ATRN: variants seen among roughly 807,000 people sequenced by gnomAD.
ATRN encodes attractin-2.
In ATRN, 54 loss-of-function variants were observed where a neutral mutation model predicts 178.7. The ratio of observed to expected loss-of-function variants is 0.30; its 90% CI spans 0.24 to 0.38. The LOEUF (loss-of-function observed/expected upper bound fraction) is 0.38. Among genes scored for constraint, ATRN ranks in the 10% least tolerant of loss-of-function variants. The pLI, the probability that ATRN is intolerant of heterozygous loss-of-function variation, is 1.00. For missense variants in ATRN, 1,443 were observed against 1,815.1 expected (o/e 0.79, Z 3.73); for synonymous variants, 636 against 663.0 (o/e 0.96, Z 0.63).
intron 23 of ATRN, among the ~76,000 whole-genome samples, chr20:3,601,734 C>G (rs2086611752): frequency 6.9e-6 from 1 of 145,928 alleles, no homozygotes; most frequent in African/African-American, 2.5e-5. Context: ...TGTAGTGACT[C>G]ATACCTGTAA....
intron 1 of ATRN, among the ~76,000 whole-genome samples, chr20:3,485,775 C>A (rs914753793): frequency 1.3e-5 from 2 of 151,794 alleles, no homozygotes; most frequent in African/African-American, 4.8e-5. Context: ...GTGCCTGCCA[C>A]CATGCCTGGC....
chr20:3,481,116 G>T (rs1297019903), intron 1 of ATRN, among the ~76,000 whole-genome samples: 2 of 151,438 alleles, frequency 1.3e-5, no homozygotes, highest in East Asian at 3.9e-4. Context: ...TTTTTACTTT[G>T]TTCCTTCCAT....
intron 1 of ATRN, among the ~76,000 whole-genome samples, chr20:3,512,952 GTTGT>G (rs1273990823): frequency 6.6e-6 from 1 of 152,090 alleles, no homozygotes; most frequent in African/African-American, 2.4e-5. Context: ...TTTTGATGGG[GTTGT>G]TTGTTTTTTT....
At chr20:3,554,944 A>G (rs2085847419) in intron 6 of ATRN, among the ~76,000 whole-genome samples, 3 of 150,228 alleles carry the variant, frequency 2.0e-5, no homozygotes, top group African/African-American at 7.3e-5. Context: ...ACCGAATCCA[A>G]TAAATGTTAA....
At chr20:3,634,222 T>C in intron 25 of ATRN, 89 bp from the exon 26 acceptor site, 1 of 1,175,396 alleles carries the variant, frequency 8.5e-7, no homozygotes, top group African/African-American at 1.5e-5. Context: ...ATGTGGGAGC[T>C]GTTTTCACTG....
chr20:3,622,432 A>G (rs1408458045), intron 24 of ATRN, among the ~76,000 whole-genome samples: 1 of 152,236 alleles, frequency 6.6e-6, no homozygotes, highest in Non-Finnish European at 1.5e-5. Flanking sequence ...TTGGCATTGT[A>G]TGACAGTCTG....
At chr20:3,620,466 G>A (rs1484072769) in intron 24 of ATRN, among the ~76,000 whole-genome samples, 1 of 152,118 alleles carries the variant, frequency 6.6e-6, no homozygotes, top group Non-Finnish European at 1.5e-5. Context: ...GGCTGGTTTC[G>A]ACCTCCTGGC....
chr20:3,628,536 C>T (rs1197195574), intron 25 of ATRN, among the ~76,000 whole-genome samples: 1 of 152,198 alleles, frequency 6.6e-6, no homozygotes, highest in African/African-American at 2.4e-5. Context: ...TTCGTCCCAC[C>T]TGGGATAGGA....
chr20:3,617,332 A>T (rs235526), intron 24 of ATRN, among the ~76,000 whole-genome samples: 130,520 of 152,190 alleles, frequency 0.86, 56,418 homozygotes, highest in East Asian at 1. Context: ...TGCTCCTGTC[A>T]ATATTGAAAT....
Position 3,576,865 on chromosome 20 carries a change from A to G in ATRN, c.2221A>G (p.Ile741Val). 1 of 1,614,040 alleles carries G rather than the reference A, an allele frequency of 6.2e-7. No individual in the cohort carries two copies. Among genetic ancestry groups the G allele is most frequent in the Non-Finnish European group, 8.5e-7 (1 of 1,179,960 alleles). Residue 741 changes from isoleucine to valine, a missense_variant, in exon 14 of 29, where the codon ATT (isoleucine) becomes GTT (valine). Physicochemically the swap from Ile to Val is conservative, Grantham distance 29. Transcript: ENST00000262919. ...NHSCSEGQIS[I>V]FRYENCPKDN... ...TTTGTCCACTGTGTTCTAGATCTCC[A>G]TTTTTAGGTATGAGAATTGCCCCAA...
intron 15 of ATRN, among the ~76,000 whole-genome samples, chr20:3,580,621 G>A (rs927197174): frequency 1.3e-5 from 2 of 152,158 alleles, no homozygotes; most frequent in East Asian, 1.9e-4. Context: ...TGTCGAAGAC[G>A]GAAGGGCTTT....
intron 1 of ATRN, among the ~76,000 whole-genome samples, chr20:3,525,984 C>G (rs1408117479): frequency 6.6e-6 from 1 of 152,164 alleles, no homozygotes; most frequent in African/African-American, 2.4e-5. Context: ...CCTTTGAAAA[C>G]TGGCACAAGA....
intron 18 of ATRN, among the ~76,000 whole-genome samples, chr20:3,587,841 GT>G (rs1295006671): frequency 5.9e-4 from 89 of 152,002 alleles, no homozygotes; most frequent in African/African-American, 2.1e-3. Context: ...TTGTTTGTTT[GT>G]TTGTTTGTTT....
intron 12 of ATRN, among the ~76,000 whole-genome samples, chr20:3,574,836 C>G (rs953142526): frequency 6.6e-6 from 1 of 152,176 alleles, no homozygotes; most frequent in African/African-American, 2.4e-5. Flanking sequence ...GGAAGAGCAG[C>G]CTAAGGAGCC....
At chr20:3,525,803 A>T (rs749193980) in intron 1 of ATRN, among the ~76,000 whole-genome samples, 2 of 152,222 alleles carry the variant, frequency 1.3e-5, no homozygotes, top group Non-Finnish European at 2.9e-5. Context: ...ACAAAAACAC[A>T]TGATTATCTC....
At chr20:3,626,280 T>C (rs554463634) in intron 25 of ATRN, among the ~76,000 whole-genome samples, 20 of 150,242 alleles carry the variant, frequency 1.3e-4, no homozygotes, top group East Asian at 9.7e-4. Context: ...AGGTTCAAAA[T>C]CATTTTCCAT....
chr20:3,582,247 A>G lies in ATRN; in HGVS notation c.2657A>G (p.Glu886Gly). The stretch of plus-strand genomic sequence containing the variant: ...AGTTTACTACAGTGGATGCCGTCTG[A>G]GCCCAGTGATGCTGGATTCTGTGGA... ...TNSLLQWMPS[E>G]PSDAGFCGIL... The change falls in exon 16 of 29, where the codon GAG becomes GGG. Residue 886 changes from glutamate (E) to glycine (G), a missense_variant. By Grantham distance (98) the Glu-to-Gly change is moderately conservative. Transcript: ENST00000262919. 2 of 1,613,858 alleles carry G rather than the reference A, an allele frequency of 1.2e-6. No homozygotes were observed. Among genetic ancestry groups the G allele is most frequent in the Non-Finnish European group, 1.7e-6 (2 of 1,180,026 alleles).
intron 24 of ATRN, among the ~76,000 whole-genome samples, chr20:3,622,387 A>C (rs2086903276): frequency 6.6e-6 from 1 of 152,262 alleles, no homozygotes; most frequent in Non-Finnish European, 1.5e-5. Context: ...CTTCCACTAA[A>C]ATCTTGTCTT....
intron 6 of ATRN, among the ~76,000 whole-genome samples, chr20:3,558,799 A>T (rs1048805200): frequency 1.3e-5 from 2 of 152,122 alleles, no homozygotes; most frequent in Admixed American, 1.3e-4. Context: ...ACTTTAAGAT[A>T]CTGAATGTGA....
Sources: gnomAD v4.1 joint callset for allele counts (sites outside exome capture counted in the v4.1 genomes callset) on GRCh38, gnomAD v4.1.1 for gene constraint, MANE v1.5 for transcripts, NCBI Gene and HGNC (gene_info 2026-07-23, HGNC 2026-07-21) for gene names.